Variants in BCO1 observed in about 807,000 individuals in gnomAD.
BCO1 encodes the protein beta,beta-carotene 15,15'-dioxygenase.
A neutral mutation model predicts 56.3 loss-of-function variants in BCO1; 54 were observed. The ratio of observed to expected loss-of-function variants is 0.96; its 90% CI spans 0.77 to 1.20. BCO1 has a LOEUF of 1.20. Ranked by LOEUF, BCO1 falls within the 50% of genes most tolerant of loss-of-function variation. BCO1 has a pLI of 0.00. For missense variants in BCO1, 801 were observed against 690.9 expected (o/e 1.16, Z -1.79); for synonymous variants, 318 against 266.1 (o/e 1.20, Z -1.90).
chr16:81,239,129 A>T (rs1472466366), intron 1 of BCO1, among the ~76,000 whole-genome samples, 157 bp downstream of exon 1: 1 of 150,860 alleles, frequency 6.6e-6, no homozygotes, highest in Non-Finnish European at 1.5e-5. Context: ...CGATCCTCCC[A>T]CCACAGCCTC....
intron 7 of BCO1, among the ~76,000 whole-genome samples, chr16:81,272,401 A>G (rs1315137058): frequency 6.6e-6 from 1 of 152,170 alleles, no homozygotes; most frequent in Non-Finnish European, 1.5e-5. Context: ...TACAGGCGTG[A>G]GCCACCGCGC....
chr16:81,277,484 T>A (rs1907627956), intron 7 of BCO1, among the ~76,000 whole-genome samples: 2 of 152,152 alleles, frequency 1.3e-5, no homozygotes, highest in African/African-American at 4.8e-5. Context: ...CATTATTTAA[T>A]TTAATCCTAA....
rs754282848 is a variant in BCO1, at chr16:81,280,856, G to A, written c.1102-1G>A. ...ACTTTTTGAAAACTGAATTTTTTCAGAATGCAGAAGTGGGCACAAATTTAA... is the reference window on the plus strand; with the variant it reads ...ACTTTTTGAAAACTGAATTTTTTCAAAATGCAGAAGTGGGCACAAATTTAA... On this transcript the variant is annotated splice_acceptor_variant, in intron 7 of 10. Coordinates refer to ENST00000258168, the MANE Select transcript of BCO1 (RefSeq NM_017429.3). LOFTEE classifies it high-confidence loss of function. The A allele has an allele frequency of 2.9e-5, 47 of 1,610,430 alleles. No individual in the cohort carries two copies. The highest frequency in any genetic ancestry group is 3.2e-5 in the Non-Finnish European group (38 of 1,176,718).
In BCO1 at chr16:81,278,134, C is replaced by G. The variant is rs545280806; in HGVS notation, c.1102-2723C>G. ...TCGGCTCATTGCAACCTCCGCCTCC[C>G]AGGTTCAAGCGATTCTCCTGCCTCA... On this transcript the variant is annotated intron_variant, in intron 7 of 10. Transcript: ENST00000258168. 1.7e-4 allele frequency among the ~76,000 whole-genome samples: 26 copies of G among 152,228 alleles called. No homozygotes were observed. In the Middle Eastern group the frequency reaches 0.02, roughly 119 times the overall value.
chr16:81,277,065 CAAAAAA>C (rs34671497), intron 7 of BCO1, among the ~76,000 whole-genome samples: 3 of 95,376 alleles, frequency 3.1e-5, no homozygotes, highest in Admixed American at 1.1e-4. Context: ...GACTCGGTCT[CAAAAAA>C]AAAAAAAAAA....
intron 7 of BCO1, among the ~76,000 whole-genome samples, chr16:81,276,960 A>G (rs941569161): frequency 2.0e-5 from 3 of 149,938 alleles, no homozygotes; most frequent in African/African-American, 7.4e-5. Context: ...TCAGCTACTC[A>G]GGAAGCTGAG....
chr16:81,286,630 C>A (rs1372477370), intron 9 of BCO1, among the ~76,000 whole-genome samples: 2 of 151,428 alleles, frequency 1.3e-5, no homozygotes, highest in South Asian at 4.2e-4. Flanking sequence ...CTGAGGATTG[C>A]TTGAGACCAG....
At chr16:81,270,545 A>C in intron 7 of BCO1, 129 bp downstream of exon 7, 1 of 1,304,450 alleles carries the variant, frequency 7.7e-7, no homozygotes, top group South Asian at 1.3e-5. Flanking sequence ...AAAAGTTTTC[A>C]TTGTTTTTCC....
rs1360590375 is a variant in BCO1, at chr16:81,245,572, T to A, written c.162T>A (p.Leu54=). 1 of 1,614,124 alleles carries A rather than the reference T, an allele frequency of 6.2e-7. No homozygotes were observed. Among genetic ancestry groups the A allele is most frequent in the Non-Finnish European group, 8.5e-7 (1 of 1,180,050 alleles). Residue 54 remains leucine, a synonymous_variant, in exon 2 of 11, where the codon CTT becomes CTA. Transcript: ENST00000258168. ...GATACAACCATTGGTTCGACGGCCT[T>A]GCCCTGCTCCACAGCTTCACCATCA... is the stretch of plus-strand genomic sequence containing the variant. The part of the protein sequence containing the change: ...ESRYNHWFDG[L]ALLHSFTIRD...
At chr16:81,280,313 A>T (rs1401762824) in intron 7 of BCO1, among the ~76,000 whole-genome samples, 1 of 24,586 alleles carries the variant, frequency 4.1e-5, no homozygotes, top group Non-Finnish European at 1.6e-4. Context: ...AAAAAATTAC[A>T]CACACACACA....
At chr16:81,246,849 T>TAAAA (rs1905450106) in intron 2 of BCO1, among the ~76,000 whole-genome samples, 2 of 45,630 alleles carry the variant, frequency 4.4e-5, no homozygotes, top group Non-Finnish European at 4.4e-5. Flanking sequence ...AGACTTTGTC[T>TAAAA]CAAAAAAAAA....
At chr16:81,247,820 C>T (rs1356136186) in intron 2 of BCO1, among the ~76,000 whole-genome samples, 1 of 152,026 alleles carries the variant, frequency 6.6e-6, no homozygotes, top group Non-Finnish European at 1.5e-5. Flanking sequence ...GCCACCACGC[C>T]CGGCCCATCC....
intron 1 of BCO1, among the ~76,000 whole-genome samples, chr16:81,241,846 C>T (rs1165915782): frequency 6.6e-6 from 1 of 152,186 alleles, no homozygotes; most frequent in East Asian, 1.9e-4. Flanking sequence ...GCAGGGAGCA[C>T]ATGCAAAGGT....
intron 8 of BCO1, among the ~76,000 whole-genome samples, chr16:81,281,740 G>T (rs1056556813): frequency 6.6e-6 from 1 of 152,152 alleles, no homozygotes; most frequent in Non-Finnish European, 1.5e-5. Context: ...TCTGGGGCTG[G>T]GTCATTCTTT....
chr16:81,254,295 A>ATTTTTTTTTTTTTTTTT (rs57961725), intron 2 of BCO1, among the ~76,000 whole-genome samples: 3 of 78,288 alleles, frequency 3.8e-5, no homozygotes, highest in Non-Finnish European at 7.0e-5. Flanking sequence ...CGCCCGGCTA[A>ATTTTTTTTTTTTTTTTT]TTTTTTTTTT....
chr16:81,273,296 T>G (rs576662928), intron 7 of BCO1, among the ~76,000 whole-genome samples: 1 of 152,248 alleles, frequency 6.6e-6, no homozygotes, highest in African/African-American at 2.4e-5. Context: ...AACCCCTGTT[T>G]GTAACTACGA....
At chr16:81,281,619 T>G (rs1597374051) in intron 8 of BCO1, among the ~76,000 whole-genome samples, 1 of 152,148 alleles carries the variant, frequency 6.6e-6, no homozygotes, top group African/African-American at 2.4e-5. Context: ...CCCCGTAATA[T>G]AGCGAAGAAA....
chr16:81,258,479 C>G (rs1346344500), intron 2 of BCO1, among the ~76,000 whole-genome samples: 1 of 152,174 alleles, frequency 6.6e-6, no homozygotes, highest in Non-Finnish European at 1.5e-5. Flanking sequence ...CTGAAGTGAT[C>G]AACTGGGCTT....
At chr16:81,280,414 A>G (rs980361941) in intron 7 of BCO1, among the ~76,000 whole-genome samples, 6 of 151,520 alleles carry the variant, frequency 4.0e-5, no homozygotes, top group Non-Finnish European at 7.4e-5. Context: ...CTCAGACTGC[A>G]TACGCAATTT....
Sources: allele counts gnomAD v4.1 joint callset (sites outside exome capture counted in the v4.1 genomes callset), GRCh38; gene constraint gnomAD v4.1.1; transcripts MANE v1.5; gene names NCBI Gene and HGNC (gene_info 2026-07-23, HGNC 2026-07-21).